Variants in RBMS3 observed in about 807,000 individuals in gnomAD.
The protein encoded by RBMS3 is RNA binding motif single stranded interacting protein 3, also known as RNA-binding motif, single-stranded-interacting protein 3.
RBMS3 carries 27 observed loss-of-function variants against 66.8 expected under a neutral mutation model. That is an observed-to-expected ratio of 0.40 (90% CI 0.30 to 0.56). The LOEUF (loss-of-function observed/expected upper bound fraction) is 0.56. RBMS3 is among the 20% of genes least tolerant of loss of function. The probability of loss-of-function intolerance (pLI) is 0.40; values close to 1 mark genes in which losing one functional copy is unlikely to be tolerated. For synonymous variants in RBMS3, 188 were observed against 183.0 expected (o/e 1.03, Z -0.22); for missense variants, 513 against 549.5 (o/e 0.93, Z 0.66).
intron 1 of RBMS3, among the ~76,000 whole-genome samples, chr3:29,402,092 C>T (rs1225301965): frequency 6.6e-6 from 1 of 151,854 alleles, no homozygotes; most frequent in Non-Finnish European, 1.5e-5. Flanking sequence ...TATTTTATGC[C>T]ACAGTGTTGA....
At chr3:29,698,272 G>A (rs1217657914) in intron 4 of RBMS3, 1 of 985,240 alleles carries the variant, frequency 1.0e-6, no homozygotes, top group African/African-American at 1.7e-5. Flanking sequence ...ATGCAGCCAT[G>A]GCAAAATGTA....
intron 1 of RBMS3, among the ~76,000 whole-genome samples, chr3:29,375,961 A>G (rs979187321): frequency 5.9e-5 from 9 of 152,200 alleles, no homozygotes; most frequent in Non-Finnish European, 1.2e-4. Flanking sequence ...ATGCCCATCA[A>G]TGATGGATTA....
intron 1 of RBMS3, among the ~76,000 whole-genome samples, chr3:29,318,488 G>A (rs951808845): frequency 4.6e-5 from 7 of 151,920 alleles, no homozygotes; most frequent in African/African-American, 9.6e-5. Context: ...TATATCACCC[G>A]CAGAATGCAA....
intron 12 of RBMS3, among the ~76,000 whole-genome samples, chr3:29,965,014 C>T (rs1696733494): frequency 6.6e-6 from 1 of 152,122 alleles, no homozygotes; most frequent in South Asian, 2.1e-4. Flanking sequence ...ATAATAGTCT[C>T]CAATCTCATC....
intron 1 of RBMS3, among the ~76,000 whole-genome samples, chr3:29,389,359 C>T (rs2039174821): frequency 6.6e-6 from 1 of 152,186 alleles, no homozygotes; most frequent in Non-Finnish European, 1.5e-5. Context: ...GGTCACTCTT[C>T]TGCTGCAGAA....
intron 6 of RBMS3, among the ~76,000 whole-genome samples, chr3:29,790,211 T>A (rs1337908058): frequency 6.6e-6 from 1 of 152,200 alleles, no homozygotes; most frequent in Non-Finnish European, 1.5e-5. Flanking sequence ...TTTAAAAATC[T>A]ATTCTAAAAT....
intron 3 of RBMS3, among the ~76,000 whole-genome samples, chr3:29,552,261 C>G (rs534721243): frequency 4.5e-4 from 68 of 152,310 alleles, no homozygotes; most frequent in African/African-American, 1.6e-3. Context: ...TGATGTTTCA[C>G]ATTCCTGCCT....
chr3:29,554,303 C>G (rs1390826769), intron 3 of RBMS3, among the ~76,000 whole-genome samples: 2 of 152,174 alleles, frequency 1.3e-5, no homozygotes, highest in Non-Finnish European at 2.9e-5. Context: ...ATTCTCTTAG[C>G]CTTTGGCTTT....
rs549410043 is a variant in RBMS3 at position 29,838,994 on chromosome 3, T to C, written c.638-29864T>C. Reference sequence around the variant, plus strand: ...CCAGGGGGACAGCTTCTATTGGAATTACCTTTTGTGAATCCTCCTCATTAC... The same window carrying C: ...CCAGGGGGACAGCTTCTATTGGAATCACCTTTTGTGAATCCTCCTCATTAC... On this transcript the variant is annotated intron_variant, in intron 6 of 14. Coordinates refer to ENST00000383767, the MANE Select transcript of RBMS3 (RefSeq NM_001003793.3). Among the ~76,000 whole-genome samples the C allele has an allele frequency of 2.0e-5, 3 of 152,310 alleles. No individual in the cohort carries two copies. In the South Asian group the frequency reaches 6.2e-4, roughly 32 times the overall value.
chr3:29,325,249 A>AAAT (rs1203269171), intron 1 of RBMS3, among the ~76,000 whole-genome samples: 6 of 152,118 alleles, frequency 3.9e-5, no homozygotes, highest in African/African-American at 1.4e-4. Flanking sequence ...CGGTGGTGGG[A>AAAT]AATAAGATTA....
intron 3 of RBMS3, among the ~76,000 whole-genome samples, chr3:29,514,941 G>A (rs1017772366): frequency 1.3e-5 from 2 of 151,840 alleles, no homozygotes; most frequent in African/African-American, 2.4e-5. Context: ...GAGGCCCTTC[G>A]AGGTAGATGT....
At chr3:29,363,339 G>A (rs2037713342) in intron 1 of RBMS3, among the ~76,000 whole-genome samples, 1 of 152,054 alleles carries the variant, frequency 6.6e-6, no homozygotes, top group African/African-American at 2.4e-5. Flanking sequence ...TAATCATGAC[G>A]AGATCAGCAA....
At chr3:29,283,203 T>A (rs1486207529) in intron 1 of RBMS3, among the ~76,000 whole-genome samples, 1 of 152,176 alleles carries the variant, frequency 6.6e-6, no homozygotes, top group Admixed American at 6.5e-5. Context: ...ACTCAAAGGT[T>A]GCATGAAAAA....
rs202023464 is a variant in RBMS3, at chr3:29,737,686, C to CT, written c.400-2025dup. ...CATTATTATGTAACTGAAATGTCCC[C>CT]TTTTTTTTTATTTACCACTTCACAA... On this transcript the variant is annotated intron_variant, in intron 4 of 14. Transcript: ENST00000383767. Among the ~76,000 whole-genome samples the CT allele has an allele frequency of 1.7e-3, 250 of 150,990 alleles. 2 individuals are homozygous for CT. The highest frequency in any genetic ancestry group is 4.8e-3 in the Admixed American group (73 of 15,108).
At chr3:29,499,217 G>T (rs1455784343) in intron 3 of RBMS3, among the ~76,000 whole-genome samples, 2 of 152,106 alleles carry the variant, frequency 1.3e-5, no homozygotes, top group Admixed American at 6.6e-5. Flanking sequence ...TATGGTAAAA[G>T]CATCTAACAT....
intron 4 of RBMS3, among the ~76,000 whole-genome samples, chr3:29,695,498 T>C (rs1043555277): frequency 5.9e-5 from 9 of 152,178 alleles, no homozygotes; most frequent in Admixed American, 6.5e-5. Context: ...TTTTAATTAT[T>C]ATTTTCACTC....
intron 12 of RBMS3, among the ~76,000 whole-genome samples, chr3:29,962,003 T>C (rs1200156106): frequency 1.4e-5 from 2 of 145,888 alleles, no homozygotes; most frequent in Non-Finnish European, 3.0e-5. Context: ...ATAATATATA[T>C]ATTATATATT....
intron 1 of RBMS3, among the ~76,000 whole-genome samples, chr3:29,292,497 T>TA (rs1406102864): frequency 6.6e-6 from 1 of 151,924 alleles, no homozygotes; most frequent in Non-Finnish European, 1.5e-5. Context: ...GACAGTATAT[T>TA]ACGCAAGTTA....
intron 2 of RBMS3, among the ~76,000 whole-genome samples, chr3:29,459,620 G>A (rs2042305280): frequency 6.6e-6 from 1 of 152,132 alleles, no homozygotes; most frequent in South Asian, 2.1e-4. Context: ...TCTGTCATAG[G>A]TGCTGAAACA....
Sources: allele counts gnomAD v4.1 joint callset (sites outside exome capture counted in the v4.1 genomes callset), GRCh38; gene constraint gnomAD v4.1.1; transcripts MANE v1.5; gene names NCBI Gene and HGNC (gene_info 2026-07-23, HGNC 2026-07-21).